The following KIAA1217 variants were observed in gnomAD, a reference collection of about 807,000 sequenced individuals.
KIAA1217 encodes sickle tail protein homolog.
A neutral mutation model predicts 163.9 loss-of-function variants in KIAA1217; 88 were observed. The ratio of observed to expected loss-of-function variants is 0.54; its 90% CI spans 0.45 to 0.64. KIAA1217 has a LOEUF of 0.64. KIAA1217 is among the 30% of genes least tolerant of loss of function. The pLI is 0.00. For synonymous variants in KIAA1217, 903 were observed against 923.1 expected, an observed-to-expected ratio of 0.98 and a Z score of 0.39; for missense variants, 2,372 against 2,475.0, an observed-to-expected ratio of 0.96 and a Z score of 0.88.
At chr10:24,079,077 C>A (rs779161842) in intron 2 of KIAA1217, among the ~76,000 whole-genome samples, 2 of 152,168 alleles carry the variant, frequency 1.3e-5, no homozygotes, top group African/African-American at 2.4e-5. Flanking sequence ...CAGAGCAGGA[C>A]CTTTCAAACC....
chr10:24,270,040 A>T (rs938949031), intron 2 of KIAA1217, among the ~76,000 whole-genome samples: 1 of 152,242 alleles, frequency 6.6e-6, no homozygotes. Flanking sequence ...TAAGCGTTAG[A>T]ACACAGATTG....
At chr10:23,909,890 G>C (rs1842355818) in intron 1 of KIAA1217, among the ~76,000 whole-genome samples, 1 of 152,182 alleles carries the variant, frequency 6.6e-6, no homozygotes, top group South Asian at 2.1e-4. Context: ...CAGAATGGTT[G>C]AACTAATTTA....
intron 1 of KIAA1217, among the ~76,000 whole-genome samples, chr10:23,959,814 CT>C (rs1844741572): frequency 1.3e-5 from 2 of 151,264 alleles, no homozygotes; most frequent in Admixed American, 6.6e-5. Flanking sequence ...ATCTCCTTGT[CT>C]TCGAGGATAA....
rs2072454401 is a variant in KIAA1217, at chr10:24,527,923, T to C, written c.2899-13T>C. On this transcript the variant is annotated splice_polypyrimidine_tract_variant and intron_variant, in intron 13 of 20. Coordinates refer to ENST00000376454, the MANE Select transcript of KIAA1217 (RefSeq NM_019590.5). ...TGTCCACGTAACTTCCTTTACGTGCTATATTCCTCCAGAAAGCAGAAAAGA... is the reference window on the plus strand; with the variant it reads ...TGTCCACGTAACTTCCTTTACGTGCCATATTCCTCCAGAAAGCAGAAAAGA... 6 of 1,610,522 alleles carry C rather than the reference T, an allele frequency of 3.7e-6. No homozygotes were observed. In the Middle Eastern group the frequency reaches 4.9e-4, roughly 132 times the overall value.
intron 4 of KIAA1217, 93 bp downstream of exon 4, chr10:24,433,286 C>T (rs2059747515): frequency 5.8e-6 from 5 of 867,282 alleles, no homozygotes; most frequent in Middle Eastern, 3.2e-4. Flanking sequence ...TTTTTACCCA[C>T]TATATTGCAT....
At position 23,895,597 on chromosome 10, in the gene KIAA1217, A is replaced by G. The variant is rs554638546; in HGVS notation, c.-320-111628A>G. 3.3e-5 allele frequency among the ~76,000 whole-genome samples: 5 copies of G among 152,188 alleles called. No individual in the cohort carries two copies. In the South Asian group the frequency reaches 1.0e-3, roughly 32 times the overall value. On this transcript the variant is annotated intron_variant, in intron 1 of 18. Transcript: ENST00000376462. ...AAGTCAGTGTGGTGATTCCTCAGAG[A>G]TCTAGAACTAGAAATACCATTTGAC...
intron 1 of KIAA1217, among the ~76,000 whole-genome samples, chr10:23,719,333 C>T (rs1384780075): frequency 6.6e-6 from 1 of 152,194 alleles, no homozygotes; most frequent in African/African-American, 2.4e-5. Context: ...GTAATCCCAA[C>T]ACTTTGAGAG....
At chr10:23,795,619 G>A (rs1045995064) in intron 1 of KIAA1217, among the ~76,000 whole-genome samples, 4 of 152,196 alleles carry the variant, frequency 2.6e-5, no homozygotes, top group African/African-American at 9.7e-5. Context: ...AGGACTTATA[G>A]GTCATAGGTA....
intron 5 of KIAA1217, among the ~76,000 whole-genome samples, chr10:24,453,781 T>A (rs2061564021): frequency 6.6e-6 from 1 of 152,216 alleles, no homozygotes; most frequent in South Asian, 2.1e-4. Context: ...TTGTTTTGAA[T>A]GAATGTTGGA....
At chr10:24,197,172 C>T (rs1198800691) in intron 2 of KIAA1217, among the ~76,000 whole-genome samples, 1 of 152,194 alleles carries the variant, frequency 6.6e-6, no homozygotes, top group Non-Finnish European at 1.5e-5. Flanking sequence ...AATATCCCTG[C>T]CACATCCTTT....
intron 1 of KIAA1217, among the ~76,000 whole-genome samples, chr10:23,905,663 C>A (rs1257447696): frequency 6.6e-6 from 1 of 151,994 alleles, no homozygotes; most frequent in East Asian, 1.9e-4. Context: ...ATAGTTTGCA[C>A]CCATAGCTAG....
At chr10:24,495,415 T>C (rs181133418) in intron 8 of KIAA1217, among the ~76,000 whole-genome samples, 20 of 152,338 alleles carry the variant, frequency 1.3e-4, no homozygotes, top group African/African-American at 4.8e-4. Context: ...CGCTCATTCA[T>C]TTGTTCATTG....
chr10:24,012,717 G>A (rs1847290518), intron 2 of KIAA1217, among the ~76,000 whole-genome samples: 1 of 152,166 alleles, frequency 6.6e-6, no homozygotes, highest in African/African-American at 2.4e-5. Context: ...GCCTATTATA[G>A]TGAACTGTAA....
rs2063173443 is a variant in KIAA1217, at chr10:24,119,000, C to G, written c.-170-100626C>G. ...GTCAGCCTTTTTTGCATATTATAAT[C>G]TCAATGAAGTTATCAGTTGTACTAT... On this transcript the variant is annotated intron_variant, in intron 2 of 18. Transcript: ENST00000376462. Among the ~76,000 whole-genome samples the G allele has an allele frequency of 2.6e-5, 4 of 151,804 alleles. No homozygotes were observed. In the South Asian group the frequency reaches 8.3e-4, roughly 31 times the overall value.
intron 3 of KIAA1217, among the ~76,000 whole-genome samples, chr10:24,388,880 G>A (rs2054422955): frequency 7.2e-6 from 1 of 139,476 alleles, no homozygotes; most frequent in Non-Finnish European, 1.5e-5. Context: ...AGTTAGAATG[G>A]CGATCATTAA....
At chr10:24,275,531 T>G (rs965230696) in intron 2 of KIAA1217, among the ~76,000 whole-genome samples, 1 of 152,180 alleles carries the variant, frequency 6.6e-6, no homozygotes, top group Non-Finnish European at 1.5e-5. Flanking sequence ...TGCAAACATT[T>G]GGGAGTATTA....
At chr10:24,523,963 T>C (rs890353856) in intron 12 of KIAA1217, among the ~76,000 whole-genome samples, 2 of 152,114 alleles carry the variant, frequency 1.3e-5, no homozygotes, top group African/African-American at 2.4e-5. Context: ...GGAATTAGAA[T>C]GTGGGCGGCC....
Position 24,121,279 on chromosome 10 carries a change from T to C in KIAA1217, c.-170-98347T>C, listed in dbSNP as rs894379738. ...CATTGAGACTTCAGCAGTGAGTTTT[T>C]GCTACATGTGTTGGTAATTGATTTC... On this transcript the variant is annotated intron_variant, in intron 2 of 18. Transcript: ENST00000376462. Among the ~76,000 whole-genome samples, 6 of 152,184 alleles carry C rather than the reference T, an allele frequency of 3.9e-5. No individual in the cohort carries two copies. The East Asian group carries it at 1.2e-3, about 29-fold the overall frequency.
At chr10:23,973,015 C>A (rs900117667) in intron 1 of KIAA1217, among the ~76,000 whole-genome samples, 9 of 152,058 alleles carry the variant, frequency 5.9e-5, no homozygotes, top group Non-Finnish European at 1.2e-4. Flanking sequence ...AGCAAACCAC[C>A]ATGTCACACA....
Sources: allele counts gnomAD v4.1 joint callset (sites outside exome capture counted in the v4.1 genomes callset), GRCh38; gene constraint gnomAD v4.1.1; transcripts MANE v1.5; gene names NCBI Gene and HGNC (gene_info 2026-07-23, HGNC 2026-07-21).